The following TNRC6B variants were observed in gnomAD, a reference collection of about 807,000 sequenced individuals.
TNRC6B encodes trinucleotide repeat-containing gene 6B protein.
In TNRC6B, 52 loss-of-function variants were observed where a neutral mutation model predicts 203.6. That is an observed-to-expected ratio of 0.26 (90% CI 0.20 to 0.32). The LOEUF (loss-of-function observed/expected upper bound fraction) is 0.32. Among genes scored for constraint, TNRC6B ranks in the 10% least tolerant of loss-of-function variants. TNRC6B has a pLI of 1.00. For missense variants in TNRC6B, 1,923 were observed against 2,286.2 expected (o/e 0.84, Z 3.24); for synonymous variants, 838 against 845.7 (o/e 0.99, Z 0.16).
chr22:40,213,148 C>T (rs1390137657), intron 1 of TNRC6B, among the ~76,000 whole-genome samples: 1 of 152,094 alleles, frequency 6.6e-6, no homozygotes, highest in African/African-American at 2.4e-5. Context: ...ACTCCTGCCA[C>T]ACCTGGAGTA....
intron 3 of TNRC6B, among the ~76,000 whole-genome samples, chr22:40,252,267 T>C (rs902252779): frequency 3.9e-5 from 6 of 152,226 alleles, no homozygotes; most frequent in African/African-American, 1.4e-4. Flanking sequence ...CTAGCAGATG[T>C]ATTTTGAAAA....
intron 1 of TNRC6B, among the ~76,000 whole-genome samples, chr22:40,104,894 A>T (rs78226446): frequency 0.01 from 1,591 of 152,344 alleles, 20 homozygotes; most frequent in African/African-American, 0.037. Context: ...CTACTAGTGA[A>T]TGGTAGACCT....
chr22:40,229,886 TC>T (rs2069843433), intron 1 of TNRC6B, among the ~76,000 whole-genome samples: 2 of 152,258 alleles, frequency 1.3e-5, no homozygotes, highest in Non-Finnish European at 2.9e-5. Context: ...GGGCATTTGC[TC>T]GTTTTCAGCT....
chr22:40,071,123 C>CT (rs1013052752), intron 1 of TNRC6B, among the ~76,000 whole-genome samples: 6 of 151,286 alleles, frequency 4.0e-5, no homozygotes, highest in South Asian at 2.1e-4. Context: ...ACCCACTTTC[C>CT]TTTTTTTTTC....
At chr22:40,311,062 A>C in intron 17 of TNRC6B, 69 bp downstream of exon 17, 1 of 1,477,594 alleles carries the variant, frequency 6.8e-7, no homozygotes, top group Non-Finnish European at 9.2e-7. Flanking sequence ...GGTTCAGAAT[A>C]CATTGCTTTT....
At chr22:40,065,917 G>A (rs1025870957) in intron 1 of TNRC6B, among the ~76,000 whole-genome samples, 11 of 152,096 alleles carry the variant, frequency 7.2e-5, no homozygotes, top group Admixed American at 5.2e-4. Context: ...ATCATTTTGG[G>A]TAGTTATTTC....
In TNRC6B at chr22:40,266,006, G is replaced by A. The variant is rs760616350; in HGVS notation, c.1776G>A (p.Ser592=). 2.2e-5 allele frequency: 36 copies of A among 1,613,804 alleles called. No homozygotes were observed. Among genetic ancestry groups the A allele is most frequent in the South Asian group, 3.3e-5 (3 of 91,088 alleles). The change falls in exon 5 of 23, where the codon TCG becomes TCA. Residue 592 remains serine, a synonymous_variant. Coordinates refer to ENST00000454349, the MANE Select transcript of TNRC6B (RefSeq NM_001162501.2). The part of the protein sequence containing the change: ...SSDSHNSGRR[S]YRPTHPDCQA... ...ACAGTCATAACTCTGGCCGTCGGTC[G>A]TACAGGCCCACACATCCTGATTGTC... is the stretch of plus-strand genomic sequence containing the variant.
rs1282883416 is a variant in TNRC6B, at chr22:40,326,453, T to C, written c.*3212T>C. On this transcript the variant is annotated 3_prime_UTR_variant, in exon 23 of 23. Coordinates refer to ENST00000454349, the MANE Select transcript of TNRC6B (RefSeq NM_001162501.2). ...TTATCTTAAAAATATGGGAGAAGGATTAAGCTTTGTAAGAGCTCGATCATG... is the reference window on the plus strand; with the variant it reads ...TTATCTTAAAAATATGGGAGAAGGACTAAGCTTTGTAAGAGCTCGATCATG... 6.6e-6 allele frequency: 1 copy of C among 152,662 alleles called. No individual in the cohort carries two copies. Among genetic ancestry groups the C allele is most frequent in the East Asian group, 1.9e-4 (1 of 5,200 alleles). The allele number at this position is 152,662 out of a possible 1,614,324, so 9.5% of individuals were successfully genotyped here.
At chr22:40,218,998 G>A (rs777775949) in intron 1 of TNRC6B, among the ~76,000 whole-genome samples, 3 of 152,246 alleles carry the variant, frequency 2.0e-5, no homozygotes, top group Non-Finnish European at 4.4e-5. Context: ...AGGTTCACTT[G>A]CCTCTTGAGT....
At chr22:40,262,419 C>A (rs905949349) in intron 4 of TNRC6B, among the ~76,000 whole-genome samples, 8 of 152,042 alleles carry the variant, frequency 5.3e-5, no homozygotes, top group South Asian at 4.1e-4. Context: ...ATTTTGGGGG[C>A]CTTTTTTCCT....
At chr22:40,244,333 TC>T (rs2070073952) in intron 1 of TNRC6B, among the ~76,000 whole-genome samples, 2 of 152,350 alleles carry the variant, frequency 1.3e-5, no homozygotes, top group East Asian at 3.8e-4. Flanking sequence ...CAGTAAAATC[TC>T]CTCCTTGGTT....
At chr22:40,300,823 GTAC>G in intron 13 of TNRC6B, 84 bp from the exon 14 acceptor site, 1 of 1,347,182 alleles carries the variant, frequency 7.4e-7, no homozygotes, top group Non-Finnish European at 1.0e-6. Context: ...TGTGTGACCT[GTAC>G]TTCAGTGCAC....
intron 1 of TNRC6B, among the ~76,000 whole-genome samples, chr22:40,237,838 T>C (rs2069969254): frequency 1.3e-5 from 2 of 151,974 alleles, no homozygotes; most frequent in African/African-American, 4.8e-5. Context: ...CTGGCCCCTT[T>C]CCAGCTTTTT....
intron 4 of TNRC6B, among the ~76,000 whole-genome samples, chr22:40,160,266 C>T (rs1448385236): frequency 4.6e-5 from 7 of 151,986 alleles, no homozygotes; most frequent in Non-Finnish European, 8.8e-5. Context: ...CACCTGAGGT[C>T]GGGAGTTCAA....
Position 40,330,604 on chromosome 22 carries a change from A to G in TNRC6B, c.*7363A>G, listed in dbSNP as rs1481267214. 6.5e-6 allele frequency: 1 copy of G among 152,700 alleles called. No homozygotes were observed. Among genetic ancestry groups the G allele is most frequent in the African/African-American group, 2.4e-5 (1 of 41,478 alleles). 9.5% of individuals were successfully genotyped at this position (152,700 alleles called of 1,614,324 possible). Reference sequence around the variant, plus strand: ...TTCTCACCAAGTGATGCATTTTAGCATGACACTTCTTGCCAGAAATTTTGG... The same window carrying G: ...TTCTCACCAAGTGATGCATTTTAGCGTGACACTTCTTGCCAGAAATTTTGG... On this transcript the variant is annotated 3_prime_UTR_variant, in exon 23 of 23. Coordinates refer to ENST00000454349, the MANE Select transcript of TNRC6B (RefSeq NM_001162501.2).
intron 1 of TNRC6B, among the ~76,000 whole-genome samples, chr22:40,198,903 T>G (rs2069374491): frequency 6.6e-6 from 1 of 152,110 alleles, no homozygotes; most frequent in South Asian, 2.1e-4. Context: ...GCAGTGAGTG[T>G]ATCAGGTTTC....
rs528656498 is a variant in TNRC6B, at chr22:40,056,618, A to AC, written c.-121+11625dup. Among the ~76,000 whole-genome samples, 202 of 151,896 alleles carry AC rather than the reference A, an allele frequency of 1.3e-3. 1 individual carries two copies. The highest frequency in any genetic ancestry group is 2.5e-3 in the East Asian group (13 of 5,144). On this transcript the variant is annotated intron_variant, in intron 1 of 23. Coordinates refer to the TNRC6B transcript ENST00000301923. ...AGACCAGCTTGAGCAACATAGTGAG[A>AC]CCCCCATCTCTACAAAAAATGTTTT...
At chr22:40,301,737 T>G (rs1569061285) in intron 15 of TNRC6B, among the ~76,000 whole-genome samples, 1 of 152,212 alleles carries the variant, frequency 6.6e-6, no homozygotes, top group Non-Finnish European at 1.5e-5. Flanking sequence ...TCTGCTGAAA[T>G]GGATAAACTT....
At chr22:40,130,772 C>T (rs2068534910) in intron 3 of TNRC6B, among the ~76,000 whole-genome samples, 1 of 102,044 alleles carries the variant, frequency 9.8e-6, no homozygotes, top group African/African-American at 5.2e-5. Context: ...GACAGGGAGA[C>T]TCCGTCTAAA....
Sources: gnomAD v4.1 joint callset for allele counts (sites outside exome capture counted in the v4.1 genomes callset) on GRCh38, gnomAD v4.1.1 for gene constraint, MANE v1.5 for transcripts, NCBI Gene and HGNC (gene_info 2026-07-23, HGNC 2026-07-21) for gene names.